PCDHGC4: variants seen among roughly 807,000 people sequenced by gnomAD.
PCDHGC4 encodes protocadherin gamma subfamily C, 4.
Under a neutral mutation model 59.7 loss-of-function variants are expected in PCDHGC4, and 15 were observed. The observed-to-expected ratio is 0.25, with a 90% CI of 0.17 to 0.39. PCDHGC4 has a LOEUF of 0.39. Among genes scored for constraint, PCDHGC4 ranks in the 10% least tolerant of loss-of-function variants. The pLI is 1.00. For missense variants in PCDHGC4, 1,016 were observed against 1,189.5 expected (o/e 0.85, Z 2.15); for synonymous variants, 434 against 481.4 (o/e 0.90, Z 1.29).
chr5:141,498,312 T>C (rs2099783060), intron 2 of PCDHGC4, among the ~76,000 whole-genome samples: 1 of 151,714 alleles, frequency 6.6e-6, no homozygotes, highest in Non-Finnish European at 1.5e-5. Context: ...TCACACTGCC[T>C]ACACAGAAGG....
intron 1 of PCDHGC4, among the ~76,000 whole-genome samples, chr5:141,492,685 C>T (rs919981996): frequency 1.3e-5 from 2 of 152,242 alleles, no homozygotes; most frequent in African/African-American, 2.4e-5. Context: ...CAAGGGTCGG[C>T]GACCCCTCAA....
Position 141,487,845 on chromosome 5 carries a change from A to C in PCDHGC4, c.2442+230A>C, listed in dbSNP as rs2099667978. ...GGGTCATGCCTATATCTGAGTAAGA[A>C]ATGAAAGTAATTGGTGATCAAGAGC... On this transcript the variant is annotated intron_variant, in intron 1 of 3. Coordinates refer to ENST00000306593, the MANE Select transcript of PCDHGC4 (RefSeq NM_018928.3). The surrounding 1 kb of genome is among the most constrained non-coding windows in gnomAD (Gnocchi z 5.0). 2.9e-6 allele frequency: 3 copies of C among 1,027,382 alleles called. No homozygotes were observed. Among genetic ancestry groups the C allele is most frequent in the Non-Finnish European group, 4.2e-6 (3 of 716,452 alleles). The allele number at this position is 1,027,382 out of a possible 1,614,324, so 63.6% of individuals were successfully genotyped here.
rs117623972 is a variant in PCDHGC4 at position 141,503,322 on chromosome 5, C to T, written c.2502-2071C>T. On this transcript the variant is annotated intron_variant, in intron 2 of 3. Transcript: ENST00000306593. Reference sequence around the variant, plus strand: ...GCTCAAGAAAGAATTGTTGGAGGGGCGCGGTGGCTCACGCCTGTAATTCCA... The same window carrying T: ...GCTCAAGAAAGAATTGTTGGAGGGGTGCGGTGGCTCACGCCTGTAATTCCA... Among the ~76,000 whole-genome samples, 216 of 152,126 alleles carry T rather than the reference C, an allele frequency of 1.4e-3. 8 individuals carry two copies. In the East Asian group the frequency reaches 0.038, roughly 27 times the overall value.
Position 141,487,501 on chromosome 5 carries a change from T to A in PCDHGC4, c.2328T>A (p.Ala776=). 1 of 1,614,232 alleles carries A rather than the reference T, an allele frequency of 6.2e-7. No individual in the cohort carries two copies. Among genetic ancestry groups the A allele is most frequent in the Non-Finnish European group, 8.5e-7 (1 of 1,180,036 alleles). The change falls in exon 1 of 4, where the codon GCT becomes GCA. Residue 776 remains alanine (A), a synonymous_variant. Transcript: ENST00000306593. This position sits in a 1 kb window ranked among gnomAD's most constrained non-coding sequence, Gnocchi z 5.0. ...ACTCTCATGGCTGTACACCCTTGGC[T>A]TCTGCACCCACTCGGAGTGATAGCT... ...GGHSHGCTPL[A]SAPTRSDSFM...
rs1231863269 is a variant in PCDHGC4 at position 141,485,594 on chromosome 5, G to A, written c.421G>A (p.Glu141Lys). 1.9e-6 allele frequency: 3 copies of A among 1,612,578 alleles called. No individual in the cohort carries two copies. The highest frequency in any genetic ancestry group is 2.5e-6 in the Non-Finnish European group (3 of 1,178,798). Residue 141 changes from glutamate (E) to lysine (K), a missense_variant, in exon 1 of 4, where the codon GAA becomes AAA. By Grantham distance (56) the Glu-to-Lys change is moderately conservative. Transcript: ENST00000306593. The surrounding 1 kb of genome is among the most constrained non-coding windows in gnomAD (Gnocchi z 5.7). ...PRFPRQQLDL[E>K]IGEAAPPGQR... is the part of the protein sequence containing the mutation. ...TTTTCCGCGGCAGCAGCTGGACTTGGAAATTGGGGAGGCAGCTCCTCCAGG... is the reference window on the plus strand; with the variant it reads ...TTTTCCGCGGCAGCAGCTGGACTTGAAAATTGGGGAGGCAGCTCCTCCAGG...
chr5:141,501,296 C>T (rs4912760), intron 2 of PCDHGC4, among the ~76,000 whole-genome samples: 1,659 of 80,026 alleles, frequency 0.021, 16 homozygotes, highest in African/African-American at 0.042. Flanking sequence ...CTTATACACA[C>T]ACACACACAC....
chr5:141,507,609 A>G (rs2099862010), intron 3 of PCDHGC4, among the ~76,000 whole-genome samples: 1 of 152,260 alleles, frequency 6.6e-6, no homozygotes, highest in Non-Finnish European at 1.5e-5. Context: ...ATAAACAGGT[A>G]TATTTAGCTG....
chr5:141,486,337 C>T lies in PCDHGC4; in HGVS notation c.1164C>T (p.Arg388=), dbSNP rs116799150. The change falls in exon 1 of 4, where the codon CGC becomes CGT. Residue 388 remains arginine, a synonymous_variant. Coordinates refer to ENST00000306593, the MANE Select transcript of PCDHGC4 (RefSeq NM_018928.3). The surrounding 1 kb of genome is among the most constrained non-coding windows in gnomAD (Gnocchi z 5.0). ...GGTCAAACGGAGATGTGAGCCTCCG[C>T]ATTCCTGACCACTTGCCATTTGCCC... The part of the protein sequence containing the change: ...DSGSNGDVSL[R]IPDHLPFALK... 1 of 1,614,076 alleles carries T rather than the reference C, an allele frequency of 6.2e-7. No homozygotes were observed. Among genetic ancestry groups the T allele is most frequent in the Non-Finnish European group, 8.5e-7 (1 of 1,179,966 alleles).
rs560662076 is a variant in PCDHGC4, at chr5:141,498,856, C to A, written c.2501+3991C>A. Among the ~76,000 whole-genome samples, 72 of 152,004 alleles carry A rather than the reference C, an allele frequency of 4.7e-4. 2 individuals carry two copies. Among genetic ancestry groups the A allele is most frequent in the African/African-American group, 1.7e-3 (69 of 41,430 alleles). ...GCTGAGGCAGGGGAATCGCTTGAACCCAGGAGGCGGAGGTTGCAGTGAGCT... is the reference window on the plus strand; with the variant it reads ...GCTGAGGCAGGGGAATCGCTTGAACACAGGAGGCGGAGGTTGCAGTGAGCT... On this transcript the variant is annotated intron_variant, in intron 2 of 3. Coordinates refer to ENST00000306593, the MANE Select transcript of PCDHGC4 (RefSeq NM_018928.3).
chr5:141,496,215 T>C (rs2099767024), intron 2 of PCDHGC4, among the ~76,000 whole-genome samples: 3 of 152,114 alleles, frequency 2.0e-5, no homozygotes, highest in Non-Finnish European at 4.4e-5. Context: ...TATGAATTCC[T>C]GCTGAGACAG....
intron 2 of PCDHGC4, among the ~76,000 whole-genome samples, chr5:141,503,596 C>T (rs1267014587): frequency 7.7e-6 from 1 of 129,694 alleles, no homozygotes; most frequent in African/African-American, 3.3e-5. Context: ...GAGACTCCAG[C>T]TCAAAAAAAA....
intron 3 of PCDHGC4, among the ~76,000 whole-genome samples, chr5:141,505,956 T>C (rs1177913983): frequency 6.6e-6 from 1 of 152,102 alleles, no homozygotes; most frequent in Non-Finnish European, 1.5e-5. Flanking sequence ...TGAAAGTGGG[T>C]GTAGAAATCC....
chr5:141,491,322 C>T lies in PCDHGC4; in HGVS notation c.2443-3485C>T. 6.2e-7 allele frequency: 1 copy of T among 1,614,156 alleles called. No individual in the cohort carries two copies. Among genetic ancestry groups the T allele is most frequent in the East Asian group, 2.2e-5 (1 of 44,860 alleles). On this transcript the variant is annotated intron_variant, in intron 1 of 3. Coordinates refer to ENST00000306593, the MANE Select transcript of PCDHGC4 (RefSeq NM_018928.3). This position sits in a 1 kb window ranked among gnomAD's most constrained non-coding sequence, Gnocchi z 6.9. ...AGCGTTCAGACCTTACCCTTTACCT[C>T]ATTGTGGCTCTAGCGACCGTCAGTC...
rs1259098111 is a variant in PCDHGC4 at position 141,489,418 on chromosome 5, T to C, written c.2442+1803T>C. On this transcript the variant is annotated intron_variant, in intron 1 of 3. Coordinates refer to ENST00000306593, the MANE Select transcript of PCDHGC4 (RefSeq NM_018928.3). This position sits in a 1 kb window ranked among gnomAD's most constrained non-coding sequence, Gnocchi z 4.5. ...TCTGGGCTTAAAGATGACAGATCTGTTGAGCCGGCGGCTGCAATTGGGCTC... is the reference window on the plus strand; with the variant it reads ...TCTGGGCTTAAAGATGACAGATCTGCTGAGCCGGCGGCTGCAATTGGGCTC... The C allele has an allele frequency of 1.2e-6, 2 of 1,614,174 alleles. No individual in the cohort carries two copies. The highest frequency in any genetic ancestry group is 8.5e-7 in the Non-Finnish European group (1 of 1,180,032).
Position 141,487,631 on chromosome 5 carries a change from G to T in PCDHGC4, c.2442+16G>T. Reference sequence around the variant, plus strand: ...TGGGCTAGAGGTGAGACCTTTGCAGGCTCAACAAATGCTTGAGGGTTATTC... The same window carrying T: ...TGGGCTAGAGGTGAGACCTTTGCAGTCTCAACAAATGCTTGAGGGTTATTC... On this transcript the variant is annotated intron_variant, in intron 1 of 3. Transcript: ENST00000306593. The surrounding 1 kb of genome is among the most constrained non-coding windows in gnomAD (Gnocchi z 5.0). The T allele has an allele frequency of 6.2e-7, 1 of 1,614,176 alleles. No individual in the cohort carries two copies. Among genetic ancestry groups the T allele is most frequent in the Non-Finnish European group, 8.5e-7 (1 of 1,180,032 alleles).
At chr5:141,496,583 C>A (rs990137003) in intron 2 of PCDHGC4, among the ~76,000 whole-genome samples, 1 of 152,168 alleles carries the variant, frequency 6.6e-6, no homozygotes, top group African/African-American at 2.4e-5. Flanking sequence ...TTTAGGAACG[C>A]AAAGCGCTTC....
At chr5:141,510,132 G>A (rs920772998) in intron 3 of PCDHGC4, among the ~76,000 whole-genome samples, 2 of 152,120 alleles carry the variant, frequency 1.3e-5, no homozygotes, top group African/African-American at 4.8e-5. Context: ...AAATTAGCTG[G>A]GCTAGTGGTG....
At chr5:141,502,621 A>G (rs918589202) in intron 2 of PCDHGC4, among the ~76,000 whole-genome samples, 3 of 152,162 alleles carry the variant, frequency 2.0e-5, no homozygotes, top group African/African-American at 7.2e-5. Context: ...AAATATAAGT[A>G]ATCTGTGGAT....
Position 141,498,864 on chromosome 5 carries a change from C to T in PCDHGC4, c.2501+3999C>T, listed in dbSNP as rs1370263013. Among the ~76,000 whole-genome samples the T allele has an allele frequency of 2.7e-5, 4 of 149,532 alleles. No homozygotes were observed. The East Asian group carries it at 5.9e-4, about 22-fold the overall frequency. ...AGGGGAATCGCTTGAACCCAGGAGG[C>T]GGAGGTTGCAGTGAGCTGAGATCAC... On this transcript the variant is annotated intron_variant, in intron 2 of 3. Coordinates refer to ENST00000306593, the MANE Select transcript of PCDHGC4 (RefSeq NM_018928.3).
Sources: allele counts gnomAD v4.1 joint callset (sites outside exome capture counted in the v4.1 genomes callset), GRCh38; gene constraint gnomAD v4.1.1; non-coding constraint Gnocchi (gnomAD v3.1); transcripts MANE v1.5; gene names NCBI Gene and HGNC (gene_info 2026-07-23, HGNC 2026-07-21).